NCAM1: variants seen among roughly 807,000 people sequenced by gnomAD.
NCAM1 encodes antigen recognized by monoclonal antibody 5.1H11.
A neutral mutation model predicts 109.8 loss-of-function variants in NCAM1; 14 were observed. That is an observed-to-expected ratio of 0.13 (90% CI 0.08 to 0.20). NCAM1 has a LOEUF of 0.20. Among genes scored for constraint, NCAM1 ranks in the 10% least tolerant of loss-of-function variants. The pLI is 1.00. For synonymous variants in NCAM1, 418 were observed against 442.9 expected (o/e 0.94, Z 0.70); for missense variants, 774 against 1,109.9 (o/e 0.70, Z 4.30).
intron 1 of NCAM1, among the ~76,000 whole-genome samples, chr11:113,050,755 C>T (rs1046866430): frequency 1.3e-5 from 2 of 152,270 alleles, no homozygotes; most frequent in African/African-American, 4.8e-5. Flanking sequence ...GGTTAATGAG[C>T]ATCCAGGGCA....
chr11:112,999,566 T>A (rs561857615), intron 1 of NCAM1, among the ~76,000 whole-genome samples: 2 of 152,278 alleles, frequency 1.3e-5, no homozygotes, highest in East Asian at 3.9e-4. Context: ...TGCAGAGATT[T>A]TTTTTAAATA....
At chr11:113,085,610 TAC>T (rs1555088165) in intron 1 of NCAM1, among the ~76,000 whole-genome samples, 1 of 152,196 alleles carries the variant, frequency 6.6e-6, no homozygotes, top group Non-Finnish European at 1.5e-5. Context: ...CCAGGCAGGA[TAC>T]AGTTTCTCCT....
intron 1 of NCAM1, among the ~76,000 whole-genome samples, chr11:113,114,073 G>T (rs1265271770): frequency 6.6e-6 from 1 of 152,228 alleles, no homozygotes; most frequent in Non-Finnish European, 1.5e-5. Context: ...GGAGAGGAAA[G>T]TGGAGACCTT....
chr11:113,068,221 A>G (rs2135541647), intron 1 of NCAM1, among the ~76,000 whole-genome samples: 1 of 152,164 alleles, frequency 6.6e-6, no homozygotes, highest in East Asian at 1.9e-4. Flanking sequence ...TCATATACCA[A>G]GTTTTTAAGA....
intron 7 of NCAM1, among the ~76,000 whole-genome samples, chr11:113,211,461 T>C (rs1944389875): frequency 6.6e-6 from 1 of 152,234 alleles, no homozygotes; most frequent in African/African-American, 2.4e-5. Flanking sequence ...CATGTTGCCT[T>C]AGTTATTAGC....
intron 13 of NCAM1, among the ~76,000 whole-genome samples, chr11:113,234,620 C>G (rs1328203283): frequency 4.6e-5 from 7 of 152,224 alleles, no homozygotes; most frequent in Non-Finnish European, 1.5e-5. Flanking sequence ...TAGCATGTGT[C>G]AGAATTTCCT....
chr11:113,157,239 A>G (rs1942446134), intron 1 of NCAM1, among the ~76,000 whole-genome samples: 1 of 152,146 alleles, frequency 6.6e-6, no homozygotes, highest in Admixed American at 6.5e-5. Context: ...TGGGTCCAAC[A>G]GAGAAATGAA....
intron 9 of NCAM1, 181 bp downstream of exon 9, chr11:113,221,506 G>A: frequency 1.8e-6 from 1 of 567,258 alleles, no homozygotes; most frequent in South Asian, 2.5e-5. Flanking sequence ...AAGCTGTGTT[G>A]GGAGTGGATG....
rs963560332 is a variant in NCAM1 at position 113,271,703 on chromosome 11, G to A, written c.2340-57G>A. The A allele has an allele frequency of 1.6e-4, 222 of 1,366,932 alleles. 1 individual carries two copies. In the East Asian group the frequency reaches 3.9e-3, roughly 24 times the overall value. 84.7% of individuals were successfully genotyped at this position (1,366,932 alleles called of 1,614,324 possible). ...TGGGTTGAGTCATAGCTGCTCTTCC[G>A]TGGGAGCCCCTCCCTGCAGCTGCCC... On this transcript the variant is annotated intron_variant, in intron 18 of 19. Coordinates refer to ENST00000316851, the MANE Select transcript of NCAM1 (RefSeq NM_181351.5).
At chr11:113,001,524 T>C (rs760862567) in intron 1 of NCAM1, among the ~76,000 whole-genome samples, 28 of 152,172 alleles carry the variant, frequency 1.8e-4, no homozygotes, top group Non-Finnish European at 3.5e-4. Flanking sequence ...ATGGAGACAA[T>C]AGAAGGTTAT....
At position 113,122,502 on chromosome 11, in the gene NCAM1, C is replaced by G. The variant is rs537372361; in HGVS notation, c.53-79877C>G. On this transcript the variant is annotated intron_variant, in intron 1 of 19. Transcript: ENST00000316851. ...TGTTTTCATTAATTAAAAAGAAACTCGCCGGGCATGGTGGCTCATGCCTGT... is the reference window on the plus strand; with the variant it reads ...TGTTTTCATTAATTAAAAAGAAACTGGCCGGGCATGGTGGCTCATGCCTGT... Among the ~76,000 whole-genome samples, 10 of 152,182 alleles carry G rather than the reference C, an allele frequency of 6.6e-5. No individual in the cohort carries two copies. The East Asian group carries it at 1.9e-3, about 30-fold the overall frequency.
Position 113,207,875 on chromosome 11 carries a change from C to T in NCAM1, c.789C>T (p.Tyr263=), listed in dbSNP as rs1944283377. ...AGCAAGAGGAAGACGATGAGAAGTACATCTTCAGCGACGATAGTTCCCAGC... is the reference window on the plus strand; with the variant it reads ...AGCAAGAGGAAGACGATGAGAAGTATATCTTCAGCGACGATAGTTCCCAGC... ...QIEQEEDDEK[Y]IFSDDSSQLT... The change falls in exon 7 of 20, where the codon TAC becomes TAT. Residue 263 remains tyrosine, a synonymous_variant. Transcript: ENST00000316851. The T allele has an allele frequency of 6.2e-7, 1 of 1,611,584 alleles. No individual in the cohort carries two copies. Among genetic ancestry groups the T allele is most frequent in the African/African-American group, 1.3e-5 (1 of 75,016 alleles).
At position 113,233,769 on chromosome 11, in the gene NCAM1, A is replaced by C. The variant is rs1945081846; in HGVS notation, c.1693+452A>C. 6.6e-6 allele frequency among the ~76,000 whole-genome samples: 1 copy of C among 152,232 alleles called. No individual in the cohort carries two copies. The highest frequency in any genetic ancestry group is 1.9e-4 in the East Asian group (1 of 5,192). ...TGATAGTAACCAAATAAGCACAGCC[A>C]GCAGGACAAGTCTGCCCTTAAATCA... On this transcript the variant is annotated intron_variant, in intron 13 of 19. Coordinates refer to ENST00000316851, the MANE Select transcript of NCAM1 (RefSeq NM_181351.5). The surrounding 1 kb of genome is among the most constrained non-coding windows in gnomAD (Gnocchi z 4.5).
intron 1 of NCAM1, among the ~76,000 whole-genome samples, chr11:113,071,315 G>A (rs1555085238): frequency 6.6e-6 from 1 of 152,040 alleles, no homozygotes; most frequent in Non-Finnish European, 1.5e-5. Context: ...TATTGCTTAA[G>A]TGAAGTAAAA....
chr11:113,237,246 C>T (rs1162001075), intron 14 of NCAM1, among the ~76,000 whole-genome samples: 5 of 152,014 alleles, frequency 3.3e-5, no homozygotes, highest in Middle Eastern at 3.2e-3. Flanking sequence ...ACCAGAATAG[C>T]GGAGGGAGGT....
chr11:113,270,637 A>G lies in NCAM1; in HGVS notation c.2339+242A>G. On this transcript the variant is annotated intron_variant, in intron 18 of 19. Transcript: ENST00000316851. ...AGATCTCTTGTATTAGAATCTCCCCAGAGTGTGAAAATCCCTGTGTAGGTC... is the reference window on the plus strand; with the variant it reads ...AGATCTCTTGTATTAGAATCTCCCCGGAGTGTGAAAATCCCTGTGTAGGTC... 4 of 542,578 alleles carry G rather than the reference A, an allele frequency of 7.4e-6. No homozygotes were observed. The South Asian group carries it at 8.8e-5, about 12-fold the overall frequency. The allele number at this position is 542,578 out of a possible 1,614,324, so 33.6% of individuals were successfully genotyped here. A position where few individuals can be genotyped will look rare whatever the true frequency, so the allele number is the denominator to read the frequency against.
intron 7 of NCAM1, among the ~76,000 whole-genome samples, chr11:113,208,600 G>A (rs553498798): frequency 6.6e-6 from 1 of 151,780 alleles, no homozygotes; most frequent in Non-Finnish European, 1.5e-5. Flanking sequence ...TCTCAGCGGC[G>A]CCTTCCTTCA....
At chr11:112,998,769 G>A (rs1591230409) in intron 1 of NCAM1, among the ~76,000 whole-genome samples, 1 of 151,884 alleles carries the variant, frequency 6.6e-6, no homozygotes, top group Admixed American at 6.5e-5. Context: ...ATACACACAC[G>A]ATTTAATCGT....
intron 8 of NCAM1, among the ~76,000 whole-genome samples, chr11:113,214,989 T>C (rs1944488364): frequency 1.3e-5 from 2 of 152,352 alleles, no homozygotes; most frequent in South Asian, 4.1e-4. Flanking sequence ...CTGGTTGCCA[T>C]TGTGTCTGCC....
Sources: allele counts gnomAD v4.1 joint callset (sites outside exome capture counted in the v4.1 genomes callset), GRCh38; gene constraint gnomAD v4.1.1; non-coding constraint Gnocchi (gnomAD v3.1); transcripts MANE v1.5; gene names NCBI Gene and HGNC (gene_info 2026-07-23, HGNC 2026-07-21).